Variants in TYRO3 observed in about 807,000 individuals in gnomAD.
TYRO3 encodes the protein TYRO3 protein tyrosine kinase, also known as tyrosine-protein kinase receptor TYRO3.
A neutral mutation model predicts 95.2 loss-of-function variants in TYRO3; 38 were observed. That is an observed-to-expected ratio of 0.40 (90% CI 0.31 to 0.52). TYRO3 has a LOEUF of 0.52. Ranked by LOEUF, TYRO3 falls within the 20% of genes least tolerant of loss-of-function variation. TYRO3 has a pLI of 0.56. For synonymous variants in TYRO3, 367 were observed against 432.9 expected, an observed-to-expected ratio of 0.85 and a Z score of 1.89; for missense variants, 812 against 1,116.4, an observed-to-expected ratio of 0.73 and a Z score of 3.89.
At chr15:41,573,253 T>C in intron 16 of TYRO3, 55 bp from the exon 17 acceptor site, 6 of 1,557,958 alleles carry the variant, frequency 3.9e-6, no homozygotes, top group Non-Finnish European at 5.3e-6. Context: ...TCCTGGCTCT[T>C]GTGGGCCTGT....
chr15:41,576,248 C>T (rs900922599), intron 18 of TYRO3, among the ~76,000 whole-genome samples: 2 of 151,908 alleles, frequency 1.3e-5, no homozygotes, highest in Non-Finnish European at 2.9e-5. Context: ...GGCTGGAGTG[C>T]AATGGCACAA....
intron 18 of TYRO3, among the ~76,000 whole-genome samples, chr15:41,576,592 G>C (rs1424481099): frequency 6.7e-6 from 1 of 148,426 alleles, no homozygotes; most frequent in Non-Finnish European, 1.5e-5. Flanking sequence ...GCCTCCCAAA[G>C]TGCTGGGATT....
At chr15:41,564,635 AG>A (rs1280738196) in intron 5 of TYRO3, 3 of 367,054 alleles carry the variant, frequency 8.2e-6, no homozygotes, top group Non-Finnish European at 1.6e-5. Context: ...GGAGGAGACC[AG>A]AGGGCTGGTG....
rs780565621 is a variant in TYRO3 at position 41,572,578 on chromosome 15, G to A, written c.1875+14G>A. Reference sequence around the variant, plus strand: ...GAGAACCCCTTTGTGAGTACCTGGTGTGGGGGTGGCCAGGAGGAAACGGGT... The same window carrying A: ...GAGAACCCCTTTGTGAGTACCTGGTATGGGGGTGGCCAGGAGGAAACGGGT... On this transcript the variant is annotated intron_variant, in intron 15 of 18. Coordinates refer to ENST00000263798, the MANE Select transcript of TYRO3 (RefSeq NM_006293.4). 5.1e-6 allele frequency: 5 copies of A among 980,348 alleles called. No individual in the cohort carries two copies. Among genetic ancestry groups the A allele is most frequent in the African/African-American group, 3.2e-5 (2 of 62,768 alleles). The allele number at this position is 980,348 out of a possible 1,614,324, so 60.7% of individuals were successfully genotyped here. A position where few individuals can be genotyped will look rare whatever the true frequency, so the allele number is the denominator to read the frequency against.
At position 41,565,138 on chromosome 15, in the gene TYRO3, TC is replaced by T; in HGVS notation, c.781del (p.Gln261ArgfsTer2). The T allele has an allele frequency of 6.2e-7, 1 of 1,603,648 alleles. No individual in the cohort carries two copies. The highest frequency in any genetic ancestry group is 2.2e-5 in the East Asian group (1 of 44,782). ...GAGCTCTGCTACAGTCCTGTACAGTTCAGGTAGGCTCTCCGGGCCGGGCCAT... is the reference window on the plus strand; with the variant it reads ...GAGCTCTGCTACAGTCCTGTACAGTTAGGTAGGCTCTCCGGGCCGGGCCAT... ...GRALLQSCTV[Q>X]VTQAPGGWEV... On this transcript the variant is annotated frameshift_variant and splice_region_variant, in exon 6 of 19. Coordinates refer to ENST00000263798, the MANE Select transcript of TYRO3 (RefSeq NM_006293.4). LOFTEE classifies it high-confidence loss of function.
At chr15:41,561,417 G>T (rs2055652113) in intron 2 of TYRO3, 107 bp downstream of exon 2, 4 of 1,502,502 alleles carry the variant, frequency 2.7e-6, no homozygotes, top group Non-Finnish European at 1.8e-6. Flanking sequence ...GAGGTCTGTG[G>T]TTTTTTTATT....
chr15:41,565,163 A>G (rs750677592), intron 6 of TYRO3, 22 bp downstream of exon 6: 2 of 1,479,368 alleles, frequency 1.4e-6, no homozygotes, highest in Non-Finnish European at 1.9e-6. Flanking sequence ...GGGCCGGGCC[A>G]TGCTCGTTCT....
chr15:41,572,961 G>A, intron 15 of TYRO3, 41 bp from the exon 16 acceptor site: 1 of 971,108 alleles, frequency 1.0e-6, no homozygotes, highest in South Asian at 1.4e-5. Flanking sequence ...CCCCAGCTGG[G>A]TGGGCAGGTT....
Position 41,565,156 on chromosome 15 carries a change from C to G in TYRO3, c.783+15C>G. The G allele has an allele frequency of 7.0e-7, 1 of 1,434,230 alleles. No individual in the cohort carries two copies. Among genetic ancestry groups the G allele is most frequent in the Non-Finnish European group, 9.8e-7 (1 of 1,019,816 alleles). 88.8% of individuals were successfully genotyped at this position (1,434,230 alleles called of 1,614,324 possible). A position where few individuals can be genotyped will look rare whatever the true frequency, so the allele number is the denominator to read the frequency against. On this transcript the variant is annotated intron_variant, in intron 6 of 18. Transcript: ENST00000263798. ...GTACAGTTCAGGTAGGCTCTCCGGG[C>G]CGGGCCATGCTCGTTCTGGCTGCAT... is the stretch of plus-strand genomic sequence containing the variant.
At position 41,582,997 on chromosome 15, in the gene TYRO3, G is replaced by GTTTTTTGTTTTTT. The variant is rs1555397470; in HGVS notation, c.*4727_*4728insGTTTTTTTTTTTT. On this transcript the variant is annotated 3_prime_UTR_variant, in exon 19 of 19. Coordinates refer to ENST00000263798, the MANE Select transcript of TYRO3 (RefSeq NM_006293.4). The stretch of plus-strand genomic sequence containing the variant: ...CACTGCACCTGGCAAATTTTTAAGT[G>GTTTTTTGTTTTTT]TTTTTTTTTTTTTTTAATACAGAGC... 2 of 106,144 alleles carry GTTTTTTGTTTTTT rather than the reference G, an allele frequency of 1.9e-5. No individual in the cohort carries two copies. Among genetic ancestry groups the GTTTTTTGTTTTTT allele is most frequent in the South Asian group, 3.2e-4 (1 of 3,126 alleles). The allele number at this position is 106,144 out of a possible 1,614,324, so 6.6% of individuals were successfully genotyped here.
chr15:41,578,508 G>A lies in TYRO3; in HGVS notation c.*232G>A. On this transcript the variant is annotated 3_prime_UTR_variant, in exon 19 of 19. Coordinates refer to ENST00000263798, the MANE Select transcript of TYRO3 (RefSeq NM_006293.4). ...TTAGGCCTTGGCTTGATGGAAGTGG[G>A]CCAGTCCTGGTTGTCTGAACCCAGG... 1 of 606,996 alleles carries A rather than the reference G, an allele frequency of 1.6e-6. No homozygotes were observed. Among genetic ancestry groups the A allele is most frequent in the Non-Finnish European group, 2.8e-6 (1 of 352,476 alleles). The allele number at this position is 606,996 out of a possible 1,614,324, so 37.6% of individuals were successfully genotyped here.
At chr15:41,570,201 G>A in intron 10 of TYRO3, 39 bp from the exon 11 acceptor site, 1 of 988,048 alleles carries the variant, frequency 1.0e-6, no homozygotes, top group Non-Finnish European at 1.5e-6. Context: ...AATGATGAAA[G>A]ACCTTGGAGC....
intron 18 of TYRO3, chr15:41,577,255 G>T (rs1477117809): frequency 6.6e-6 from 1 of 152,092 alleles, no homozygotes; most frequent in African/African-American, 2.4e-5. Context: ...TTTGAGACCA[G>T]CCTGAGCAAC....
At position 41,573,395 on chromosome 15, in the gene TYRO3, C is replaced by T. The variant is rs973520912; in HGVS notation, c.2073C>T (p.Ala691=). The change falls in exon 17 of 19, where the codon GCC becomes GCT. Residue 691 remains alanine (A), a synonymous_variant. Coordinates refer to ENST00000263798, the MANE Select transcript of TYRO3 (RefSeq NM_006293.4). The part of the protein sequence containing the change: ...YSGDYYRQGC[A]SKLPVKWLAL... ...GGGACTACTATCGTCAAGGCTGTGC[C>T]TCCAAACTGCCTGTCAAGTGGCTGG... 4 of 1,614,264 alleles carry T rather than the reference C, an allele frequency of 2.5e-6. No individual in the cohort carries two copies. The African/African-American group carries it at 4.0e-5, about 16-fold the overall frequency.
chr15:41,565,188 C>A, intron 6 of TYRO3, 47 bp downstream of exon 6: 1 of 1,252,654 alleles, frequency 8.0e-7, no homozygotes, highest in Non-Finnish European at 1.2e-6. Context: ...GCATGGCCAG[C>A]ACTTTGTTGA....
chr15:41,563,962 T>G (rs2055688846), intron 4 of TYRO3, among the ~76,000 whole-genome samples: 2 of 152,170 alleles, frequency 1.3e-5, no homozygotes, highest in Non-Finnish European at 2.9e-5. Flanking sequence ...CATTACCTGA[T>G]TCTCACAATT....
chr15:41,561,749 T>A, intron 3 of TYRO3, 110 bp downstream of exon 3: 5 of 768,550 alleles, frequency 6.5e-6, no homozygotes, highest in Non-Finnish European at 1.0e-5. Context: ...CCCACTGCTC[T>A]GTGGGGCCTG....
At chr15:41,573,254 G>A in intron 16 of TYRO3, 54 bp from the exon 17 acceptor site, 2 of 1,608,224 alleles carry the variant, frequency 1.2e-6, no homozygotes, top group Non-Finnish European at 1.7e-6. Context: ...CCTGGCTCTT[G>A]TGGGCCTGTG....
Position 41,570,534 on chromosome 15 carries a change from G to A in TYRO3, c.1484-70G>A, listed in dbSNP as rs1289917363. The A allele has an allele frequency of 2.6e-6, 4 of 1,529,382 alleles. No homozygotes were observed. In the East Asian group the frequency reaches 9.0e-5, roughly 34 times the overall value. 94.7% of individuals were successfully genotyped at this position (1,529,382 alleles called of 1,614,324 possible). On this transcript the variant is annotated intron_variant, in intron 11 of 18. Coordinates refer to ENST00000263798, the MANE Select transcript of TYRO3 (RefSeq NM_006293.4). ...TCTCTATGCTCTGAGGGCAGAGTCT[G>A]GGGTATAAGAGGCTGGGTTTTGGCT...
Sources: allele counts gnomAD v4.1 joint callset (sites outside exome capture counted in the v4.1 genomes callset), GRCh38; gene constraint gnomAD v4.1.1; transcripts MANE v1.5; gene names NCBI Gene and HGNC (gene_info 2026-07-23, HGNC 2026-07-21).